Variants in NSMAF observed in about 807,000 individuals in gnomAD.
NSMAF encodes the protein protein FAN.
In NSMAF, 90 loss-of-function variants were observed where a neutral mutation model predicts 134.9. That is an observed-to-expected ratio of 0.67 (90% CI 0.56 to 0.79). The LOEUF is 0.79. NSMAF is among the 30% of genes least tolerant of loss of function. NSMAF has a pLI of 0.00. For synonymous variants in NSMAF, 358 were observed against 389.6 expected (o/e 0.92, Z 0.96); for missense variants, 1,010 against 1,119.0 (o/e 0.90, Z 1.39).
intron 1 of NSMAF, 163 bp downstream of exon 1, chr8:58,659,410 G>A: frequency 6.6e-7 from 1 of 1,513,254 alleles, no homozygotes; most frequent in Non-Finnish European, 8.8e-7. Context: ...CCCGACCTCA[G>A]GTTTCCGCCA....
Position 58,597,889 on chromosome 8 carries a change from C to G in NSMAF, c.1599G>C (p.Leu533=). The change falls in exon 20 of 31, where the codon CTG becomes CTC. Residue 533 remains leucine, a synonymous_variant. Transcript: ENST00000038176. The stretch of plus-strand genomic sequence containing the variant: ...TCAAGTCTACACCTCCTTCATAGGT[C>G]AGGGGATGAAATACTGAAAAAGACA... ...AVGAHNVFHP[L]TYEGGVDLNS... is the part of the protein sequence containing the mutation. 6.2e-7 allele frequency: 1 copy of G among 1,606,290 alleles called. No individual in the cohort carries two copies. Among genetic ancestry groups the G allele is most frequent in the Non-Finnish European group, 8.5e-7 (1 of 1,173,114 alleles).
Position 58,654,544 on chromosome 8 carries a change from C to T in NSMAF, c.59+5029G>A, listed in dbSNP as rs913268765. On this transcript the variant is annotated intron_variant, in intron 1 of 30. Coordinates refer to ENST00000038176, the MANE Select transcript of NSMAF (RefSeq NM_003580.4). Reference sequence around the variant, plus strand: ...CAGCCTGGGCAACAAAAGGGAAACTCCTTCTCAAAAAAGAAAAAAAGAAAG... The same window carrying T: ...CAGCCTGGGCAACAAAAGGGAAACTTCTTCTCAAAAAAGAAAAAAAGAAAG... Among the ~76,000 whole-genome samples, 10 of 152,058 alleles carry T rather than the reference C, an allele frequency of 6.6e-5. No homozygotes were observed. The East Asian group carries it at 1.9e-3, about 29-fold the overall frequency.
chr8:58,642,845 G>A (rs1388126608), intron 2 of NSMAF, 139 bp downstream of exon 2: 13 of 679,308 alleles, frequency 1.9e-5, no homozygotes, highest in Non-Finnish European at 3.1e-5. Flanking sequence ...CTCAATAAAA[G>A]TCTAAATAAA....
intron 9 of NSMAF, among the ~76,000 whole-genome samples, chr8:58,618,678 G>A (rs927073203): frequency 6.6e-6 from 1 of 152,068 alleles, no homozygotes; most frequent in Non-Finnish European, 1.5e-5. Flanking sequence ...TTGGCAAAAT[G>A]TTAAATTAAC....
At chr8:58,587,209 G>T (rs1805905703) in intron 27 of NSMAF, among the ~76,000 whole-genome samples, 1 of 152,152 alleles carries the variant, frequency 6.6e-6, no homozygotes, top group African/African-American at 2.4e-5. Context: ...CCAGACAGCT[G>T]GTCACTGTCC....
At chr8:58,656,329 G>A (rs1395754711) in intron 1 of NSMAF, among the ~76,000 whole-genome samples, 3 of 152,086 alleles carry the variant, frequency 2.0e-5, no homozygotes, top group Non-Finnish European at 4.4e-5. Context: ...CAGGATATAA[G>A]TATACTTATT....
intron 1 of NSMAF, among the ~76,000 whole-genome samples, chr8:58,643,986 T>G (rs898104306): frequency 2.6e-5 from 4 of 152,220 alleles, no homozygotes; most frequent in Admixed American, 1.3e-4. Context: ...AGAGAAGTCA[T>G]TAAGAAAAAT....
intron 6 of NSMAF, 114 bp downstream of exon 6, chr8:58,631,382 C>T: frequency 5.6e-6 from 3 of 531,702 alleles, no homozygotes; most frequent in South Asian, 6.3e-5. Context: ...AGGTAAGAAG[C>T]TTTTAAATAC....
At chr8:58,621,405 G>A (rs1563535351) in intron 9 of NSMAF, among the ~76,000 whole-genome samples, 1 of 152,006 alleles carries the variant, frequency 6.6e-6, no homozygotes, top group Non-Finnish European at 1.5e-5. Context: ...TTTGAATAGT[G>A]CTGTGATAAG....
At chr8:58,616,408 C>A (rs946822261) in intron 9 of NSMAF, among the ~76,000 whole-genome samples, 1 of 151,770 alleles carries the variant, frequency 6.6e-6, no homozygotes, top group Non-Finnish European at 1.5e-5. Context: ...ATATCATGTT[C>A]CCAAATTAGA....
Position 58,594,717 on chromosome 8 carries a change from G to C in NSMAF, c.1893-427C>G, listed in dbSNP as rs547227787. On this transcript the variant is annotated intron_variant, in intron 22 of 30. Transcript: ENST00000038176. ...ATTGGTTCCAGCCTGTCCTCTTAAA[G>C]GATCATTCAGTCTTCACTACCTTGG... 8 of 171,098 alleles carry C rather than the reference G, an allele frequency of 4.7e-5. No homozygotes were observed. In the South Asian group the frequency reaches 9.7e-4, roughly 21 times the overall value. The allele number at this position is 171,098 out of a possible 1,614,324, so 10.6% of individuals were successfully genotyped here. A position where few individuals can be genotyped will look rare whatever the true frequency, so the allele number is the denominator to read the frequency against.
chr8:58,631,274 T>G (rs1006627597), intron 6 of NSMAF: 4 of 285,902 alleles, frequency 1.4e-5, no homozygotes, highest in African/African-American at 4.8e-5. Flanking sequence ...CATTTGGGTG[T>G]TTTTTTTTTA....
chr8:58,631,390 T>C (rs1807054574), intron 6 of NSMAF, 106 bp downstream of exon 6: 1 of 581,778 alleles, frequency 1.7e-6, no homozygotes. Context: ...AGCTTTTAAA[T>C]ACTCATTATT....
At chr8:58,654,969 G>A (rs28674507) in intron 1 of NSMAF, among the ~76,000 whole-genome samples, 1 of 151,956 alleles carries the variant, frequency 6.6e-6, no homozygotes, top group African/African-American at 2.4e-5. Context: ...CGAGTAGCTG[G>A]GATTACAGGT....
intron 1 of NSMAF, among the ~76,000 whole-genome samples, chr8:58,654,046 C>T (rs544703444): frequency 3.3e-5 from 5 of 152,116 alleles, no homozygotes; most frequent in African/African-American, 1.2e-4. Flanking sequence ...GAAAAAAAAA[C>T]CCTATTTCTT....
At chr8:58,655,332 T>G (rs981567050) in intron 1 of NSMAF, among the ~76,000 whole-genome samples, 1 of 151,966 alleles carries the variant, frequency 6.6e-6, no homozygotes, top group African/African-American at 2.4e-5. Context: ...CCACGGTGGA[T>G]AGTAAAGCAA....
At position 58,635,384 on chromosome 8, in the gene NSMAF, T is replaced by G; in HGVS notation, c.229-12A>C. Reference sequence around the variant, plus strand: ...TCTCTCAAAGGAATCTGGATAAAATTGAGAGAAATATTATAAAAATCAAGA... The same window carrying G: ...TCTCTCAAAGGAATCTGGATAAAATGGAGAGAAATATTATAAAAATCAAGA... On this transcript the variant is annotated splice_polypyrimidine_tract_variant and intron_variant, in intron 3 of 30. Transcript: ENST00000038176. 1.3e-6 allele frequency: 2 copies of G among 1,589,708 alleles called. No individual in the cohort carries two copies. The highest frequency in any genetic ancestry group is 1.7e-6 in the Non-Finnish European group (2 of 1,170,822).
chr8:58,640,083 T>C (rs1458463572), intron 2 of NSMAF: 1 of 455,540 alleles, frequency 2.2e-6, no homozygotes, highest in Non-Finnish European at 4.4e-6. Context: ...GCACAAGTTG[T>C]CCATTATCCA....
chr8:58,623,162 G>T, intron 9 of NSMAF, 58 bp downstream of exon 9: 1 of 1,264,050 alleles, frequency 7.9e-7, no homozygotes, highest in Non-Finnish European at 1.2e-6. Flanking sequence ...GCTGAATGAG[G>T]CATACAGATG....
Sources: allele counts gnomAD v4.1 joint callset (sites outside exome capture counted in the v4.1 genomes callset), GRCh38; gene constraint gnomAD v4.1.1; transcripts MANE v1.5; gene names NCBI Gene and HGNC (gene_info 2026-07-23, HGNC 2026-07-21).